NAALADL2: variants seen among roughly 807,000 people sequenced by gnomAD.
NAALADL2 encodes the protein N-acetylated alpha-linked acidic dipeptidase like 2.
NAALADL2 carries 76 observed loss-of-function variants against 87.2 expected under a neutral mutation model. The observed-to-expected ratio is 0.87, with a 90% CI of 0.72 to 1.05. The LOEUF (loss-of-function observed/expected upper bound fraction) is 1.05, where lower values mean the gene tolerates loss of function less well. NAALADL2 is among the 50% of genes least tolerant of loss of function. NAALADL2 has a pLI of 0.00. For missense variants in NAALADL2, 1,089 were observed against 945.8 expected, an observed-to-expected ratio of 1.15 and a Z score of -1.99; for synonymous variants, 354 against 331.0, an observed-to-expected ratio of 1.07 and a Z score of -0.75.
chr3:174,507,709 A>G (rs1436908664), intron 1 of NAALADL2, among the ~76,000 whole-genome samples: 1 of 150,882 alleles, frequency 6.6e-6, no homozygotes, highest in Non-Finnish European at 1.5e-5. Context: ...TGTGAGATTC[A>G]TCTATGTTGT....
intron 2 of NAALADL2, among the ~76,000 whole-genome samples, chr3:175,199,485 C>T (rs1463842066): frequency 6.6e-6 from 1 of 151,968 alleles, no homozygotes; most frequent in African/African-American, 2.4e-5. Flanking sequence ...TGTTTGCAGG[C>T]ATCCAAGGGA....
rs188603640 is a variant in NAALADL2, at chr3:175,682,672, C to G, written c.1897-54634C>G. On this transcript the variant is annotated intron_variant, in intron 11 of 13. Transcript: ENST00000454872. Reference sequence around the variant, plus strand: ...AATCAATGCATAGCCCCTTAAACAACTTATTTTATAGTCAGTATTTGTTAT... The same window carrying G: ...AATCAATGCATAGCCCCTTAAACAAGTTATTTTATAGTCAGTATTTGTTAT... Among the ~76,000 whole-genome samples, 919 of 152,016 alleles carry G rather than the reference C, an allele frequency of 6.0e-3. 9 individuals are homozygous for G. Among genetic ancestry groups the G allele is most frequent in the African/African-American group, 0.021 (858 of 41,526 alleles).
chr3:175,158,498 G>T (rs999955073), intron 2 of NAALADL2, among the ~76,000 whole-genome samples: 8 of 151,986 alleles, frequency 5.3e-5, no homozygotes, highest in Non-Finnish European at 1.0e-4. Context: ...AGAACTTTTG[G>T]ATTCCATCTT....
intron 5 of NAALADL2, among the ~76,000 whole-genome samples, chr3:175,391,755 A>T (rs1769104166): frequency 6.6e-6 from 1 of 152,168 alleles, no homozygotes; most frequent in African/African-American, 2.4e-5. Context: ...TAGATAACTA[A>T]TGCACATACT....
intron 1 of NAALADL2, among the ~76,000 whole-genome samples, chr3:175,087,274 G>A (rs1450890612): frequency 6.6e-6 from 1 of 152,034 alleles, no homozygotes; most frequent in Admixed American, 6.6e-5. Context: ...GCCCTGCCCG[G>A]GAGGGAGGTG....
intron 1 of NAALADL2, among the ~76,000 whole-genome samples, chr3:175,075,747 C>T (rs574634467): frequency 1.3e-5 from 2 of 152,056 alleles, no homozygotes; most frequent in African/African-American, 2.4e-5. Flanking sequence ...AGAATAATAA[C>T]CAAGTTAATG....
chr3:175,501,318 T>A (rs985856185), intron 9 of NAALADL2, among the ~76,000 whole-genome samples: 1 of 152,120 alleles, frequency 6.6e-6, no homozygotes, highest in Non-Finnish European at 1.5e-5. Flanking sequence ...TTCAGGTAGG[T>A]TCCATATATG....
At chr3:175,004,391 A>C (rs1273692552) in intron 1 of NAALADL2, among the ~76,000 whole-genome samples, 5 of 139,202 alleles carry the variant, frequency 3.6e-5, no homozygotes, top group Non-Finnish European at 6.0e-5. Context: ...AAAAAAAAAA[A>C]AAAAAAAAAA....
At chr3:175,262,536 G>C (rs1461247) in intron 4 of NAALADL2, among the ~76,000 whole-genome samples, 42,279 of 151,086 alleles carry the variant, frequency 0.28, 6,435 homozygotes, top group South Asian at 0.49. Flanking sequence ...CACAAAAAAG[G>C]AAATCAATAT....
intron 1 of NAALADL2, among the ~76,000 whole-genome samples, chr3:174,540,156 G>T (rs1012034459): frequency 5.9e-5 from 9 of 152,034 alleles, no homozygotes; most frequent in Non-Finnish European, 1.3e-4. Context: ...TGAACCAAAA[G>T]TTCACAAAAT....
chr3:175,143,824 C>T (rs1730371281), intron 2 of NAALADL2, among the ~76,000 whole-genome samples: 1 of 151,896 alleles, frequency 6.6e-6, no homozygotes, highest in Non-Finnish European at 1.5e-5. Flanking sequence ...TACGCAATGA[C>T]ATATCATCAG....
At chr3:175,003,356 A>G (rs1684559366) in intron 1 of NAALADL2, among the ~76,000 whole-genome samples, 1 of 141,662 alleles carries the variant, frequency 7.1e-6, no homozygotes, top group Non-Finnish European at 1.5e-5. Context: ...TGTCTCTACA[A>G]AAAACAACAA....
intron 13 of NAALADL2, chr3:175,772,995 T>C (rs1158026424): frequency 1.3e-5 from 2 of 152,134 alleles, no homozygotes; most frequent in Non-Finnish European, 1.5e-5. Flanking sequence ...GTTTGTGTTA[T>C]TGTTCTTTTC....
At chr3:174,642,949 AT>A (rs936726062) in intron 2 of NAALADL2, among the ~76,000 whole-genome samples, 14 of 151,740 alleles carry the variant, frequency 9.2e-5, no homozygotes, top group Middle Eastern at 3.5e-3. Flanking sequence ...CACCAAGTTA[AT>A]TTTTTATTTT....
intron 1 of NAALADL2, among the ~76,000 whole-genome samples, chr3:174,960,410 C>A (rs1194780781): frequency 6.6e-6 from 1 of 151,882 alleles, no homozygotes; most frequent in Non-Finnish European, 1.5e-5. Flanking sequence ...TGAGTTCTGG[C>A]GATGGAATGT....
chr3:175,181,713 G>GTATATGCATATATA (rs775589636), intron 2 of NAALADL2, among the ~76,000 whole-genome samples: 171 of 36,900 alleles, frequency 4.6e-3, no homozygotes, highest in Admixed American at 6.9e-3. Context: ...ATGTGTGTGT[G>GTATATGCATATATA]TGTGTATATA....
chr3:175,523,386 T>C (rs1453199352), intron 9 of NAALADL2, among the ~76,000 whole-genome samples: 2 of 152,202 alleles, frequency 1.3e-5, no homozygotes, highest in African/African-American at 4.8e-5. Flanking sequence ...AACCTTGCTG[T>C]AGATAATCTC....
At chr3:175,377,266 C>T (rs967316187) in intron 5 of NAALADL2, among the ~76,000 whole-genome samples, 5 of 152,040 alleles carry the variant, frequency 3.3e-5, no homozygotes, top group African/African-American at 7.3e-5. Flanking sequence ...GAGCTAAGAT[C>T]GTGCCACTGA....
intron 9 of NAALADL2, among the ~76,000 whole-genome samples, chr3:175,569,272 A>G (rs914288656): frequency 6.6e-6 from 1 of 152,174 alleles, no homozygotes; most frequent in Non-Finnish European, 1.5e-5. Context: ...AATTTTGTCA[A>G]ATTACCTCCA....
Sources: gnomAD v4.1 joint callset for allele counts (sites outside exome capture counted in the v4.1 genomes callset) on GRCh38, gnomAD v4.1.1 for gene constraint, MANE v1.5 for transcripts, NCBI Gene and HGNC (gene_info 2026-07-23, HGNC 2026-07-21) for gene names.